Variants in ARHGEF12 observed in about 807,000 individuals in gnomAD.
The protein encoded by ARHGEF12 is KMT2A/ARHGEF12 fusion protein.
In ARHGEF12, 66 loss-of-function variants were observed where a neutral mutation model predicts 211.2. That is an observed-to-expected ratio of 0.31 (90% confidence interval 0.26 to 0.38). ARHGEF12 has a LOEUF of 0.38. ARHGEF12 is among the 10% of genes least tolerant of loss of function. ARHGEF12 has a pLI of 1.00. For missense variants in ARHGEF12, 1,429 were observed against 1,869.5 expected (o/e 0.76, Z 4.34); for synonymous variants, 592 against 638.4 (o/e 0.93, Z 1.09).
Position 120,401,009 on chromosome 11 carries a change from C to T in ARHGEF12, c.33-5109C>T, listed in dbSNP as rs144257382. 3.7e-3 allele frequency among the ~76,000 whole-genome samples: 568 copies of T among 152,312 alleles called. 2 individuals are homozygous for T. The highest frequency in any genetic ancestry group is 0.013 in the African/African-American group (552 of 41,554). On this transcript the variant is annotated intron_variant, in intron 1 of 40. Transcript: ENST00000397843. ...ACACCATGGGAAATTCTCCATGAGT[C>T]ATTCCGTCAGCTGTAGCTTCTGTTT...
At position 120,421,864 on chromosome 11, in the gene ARHGEF12, G is replaced by T. The variant is rs757545938; in HGVS notation, c.348+12G>T. On this transcript the variant is annotated intron_variant, in intron 6 of 40. Transcript: ENST00000397843. Reference sequence around the variant, plus strand: ...ATCGAATCATCAAGGTAAGGAATAGGCTATTATAGAATTTACGGTAGGATT... The same window carrying T: ...ATCGAATCATCAAGGTAAGGAATAGTCTATTATAGAATTTACGGTAGGATT... 5 of 1,601,858 alleles carry T rather than the reference G, an allele frequency of 3.1e-6. No individual in the cohort carries two copies. The highest frequency in any genetic ancestry group is 4.3e-6 in the Non-Finnish European group (5 of 1,172,118).
chr11:120,400,704 A>G (rs917850485), intron 1 of ARHGEF12, among the ~76,000 whole-genome samples: 7 of 152,242 alleles, frequency 4.6e-5, no homozygotes, highest in Non-Finnish European at 1.0e-4. Context: ...TAGTCAATCT[A>G]TAATAGCTCC....
intron 1 of ARHGEF12, among the ~76,000 whole-genome samples, chr11:120,344,040 C>T (rs889738938): frequency 3.3e-5 from 5 of 151,724 alleles, no homozygotes; most frequent in Non-Finnish European, 7.4e-5. Flanking sequence ...CTGAGGTGGG[C>T]GGATCACTTG....
At chr11:120,374,249 T>C (rs968377923) in intron 1 of ARHGEF12, among the ~76,000 whole-genome samples, 1 of 152,218 alleles carries the variant, frequency 6.6e-6, no homozygotes, top group African/African-American at 2.4e-5. Flanking sequence ...ATGTTATGAC[T>C]TTTAGATATG....
chr11:120,340,076 C>T (rs187651827), intron 1 of ARHGEF12, among the ~76,000 whole-genome samples: 24 of 152,296 alleles, frequency 1.6e-4, no homozygotes, highest in African/African-American at 5.3e-4. Context: ...TAGTTTTCAT[C>T]GTTTAGAATG....
intron 1 of ARHGEF12, among the ~76,000 whole-genome samples, chr11:120,398,869 A>G (rs1227663456): frequency 6.6e-6 from 1 of 152,174 alleles, no homozygotes; most frequent in African/African-American, 2.4e-5. Flanking sequence ...TTATATTCGT[A>G]TAACCTCTAA....
At chr11:120,469,479 T>TTTCA in intron 30 of ARHGEF12, 91 bp downstream of exon 30, 2 of 1,051,002 alleles carry the variant, frequency 1.9e-6, no homozygotes, top group Non-Finnish European at 2.8e-6. Flanking sequence ...GTTAAAACTA[T>TTTCA]CATTACCTAA....
chr11:120,475,218 G>T, intron 32 of ARHGEF12, 122 bp from the exon 33 acceptor site: 4 of 868,162 alleles, frequency 4.6e-6, no homozygotes, highest in Non-Finnish European at 6.9e-6. Context: ...TAATATACAA[G>T]TCAATTTTTA....
intron 1 of ARHGEF12, among the ~76,000 whole-genome samples, chr11:120,339,005 C>CTTTTTTTTTTTTTTT (rs906260027): frequency 2.5e-4 from 30 of 121,996 alleles, no homozygotes; most frequent in African/African-American, 8.7e-4. Context: ...TTTTCTTTTT[C>CTTTTTTTTTTTTTTT]TTTTTTTTTT....
intron 1 of ARHGEF12, among the ~76,000 whole-genome samples, chr11:120,394,613 G>A (rs942534212): frequency 2.6e-5 from 4 of 151,718 alleles, no homozygotes; most frequent in Admixed American, 6.6e-5. Context: ...AAACAGTAGC[G>A]AACATTAACC....
chr11:120,406,201 C>A, intron 2 of ARHGEF12, 60 bp downstream of exon 2: 1 of 1,180,486 alleles, frequency 8.5e-7, no homozygotes, highest in Non-Finnish European at 1.1e-6. Context: ...TTATAAGCAT[C>A]CCTTTGAAAT....
chr11:120,454,138 G>C (rs1765706270), intron 22 of ARHGEF12, among the ~76,000 whole-genome samples: 1 of 152,196 alleles, frequency 6.6e-6, no homozygotes, highest in South Asian at 2.1e-4. Context: ...TGCTCAGAGA[G>C]CTCTCAACTG....
intron 1 of ARHGEF12, among the ~76,000 whole-genome samples, chr11:120,388,581 C>T (rs1944112950): frequency 6.6e-6 from 1 of 152,110 alleles, no homozygotes. Flanking sequence ...GTTACATTCC[C>T]ATTAGCAACA....
At chr11:120,445,534 G>A in intron 16 of ARHGEF12, 70 bp downstream of exon 16, 2 of 1,448,320 alleles carry the variant, frequency 1.4e-6, no homozygotes, top group Non-Finnish European at 1.9e-6. Context: ...CATCTGTTCA[G>A]GTTTTATCTG....
intron 1 of ARHGEF12, chr11:120,385,603 G>T (rs1944006264): frequency 2.0e-6 from 1 of 500,500 alleles, no homozygotes; most frequent in Non-Finnish European, 2.6e-6. Flanking sequence ...AAAGGAAAAG[G>T]ATATTTTTAC....
chr11:120,420,878 C>T (rs755304232), intron 5 of ARHGEF12, 27 bp downstream of exon 5: 1 of 1,573,120 alleles, frequency 6.4e-7, no homozygotes, highest in Admixed American at 1.7e-5. Context: ...AACAATTTAT[C>T]ACTCAGTAAA....
intron 1 of ARHGEF12, among the ~76,000 whole-genome samples, chr11:120,381,819 T>C (rs879247125): frequency 2.0e-5 from 3 of 152,196 alleles, no homozygotes; most frequent in Admixed American, 1.3e-4. Flanking sequence ...CACTCTCCTC[T>C]CCTCTAGTCC....
chr11:120,477,585 C>A, intron 36 of ARHGEF12, 59 bp downstream of exon 36: 1 of 1,512,334 alleles, frequency 6.6e-7, no homozygotes, highest in Non-Finnish European at 9.1e-7. Context: ...AAAATGCTGG[C>A]CGGATGTGGT....
Position 120,421,661 on chromosome 11 carries a change from C to G in ARHGEF12, c.299-142C>G, listed in dbSNP as rs1233315782. On this transcript the variant is annotated intron_variant, in intron 5 of 40. Transcript: ENST00000397843. ...CCATGTTGGCCAGGATGGTCTCGAT[C>G]TCTTGACCTCGTGATCCGCCCGCCT... The G allele has an allele frequency of 7.2e-6, 5 of 697,736 alleles. No individual in the cohort carries two copies. The African/African-American group carries it at 7.4e-5, about 10-fold the overall frequency. 43.2% of individuals were successfully genotyped at this position (697,736 alleles called of 1,614,324 possible). A position where few individuals can be genotyped will look rare whatever the true frequency, so the allele number is the denominator to read the frequency against.
Sources: gnomAD v4.1 joint callset for allele counts (sites outside exome capture counted in the v4.1 genomes callset) on GRCh38, gnomAD v4.1.1 for gene constraint, MANE v1.5 for transcripts, NCBI Gene and HGNC (gene_info 2026-07-23, HGNC 2026-07-21) for gene names.